Variants in ZNF407 observed in about 807,000 individuals in gnomAD.
ZNF407 encodes zinc finger protein 407.
A neutral mutation model predicts 131.2 loss-of-function variants in ZNF407; 17 were observed. The observed-to-expected ratio is 0.13, with a 90% CI of 0.09 to 0.19. ZNF407 has a LOEUF of 0.19. Ranked by LOEUF, ZNF407 falls within the 10% of genes least tolerant of loss-of-function variation. The pLI, the probability that ZNF407 is intolerant of heterozygous loss-of-function variation, is 1.00. For synonymous variants in ZNF407, 1,156 were observed against 1,062.0 expected, an observed-to-expected ratio of 1.09 and a Z score of -1.72; for missense variants, 2,681 against 2,830.6, an observed-to-expected ratio of 0.95 and a Z score of 1.20.
chr18:74,963,428 C>G (rs924059872), intron 8 of ZNF407, among the ~76,000 whole-genome samples: 7 of 152,166 alleles, frequency 4.6e-5, no homozygotes, highest in Non-Finnish European at 1.0e-4. Context: ...ATTTTCAGAG[C>G]ATCATGTTAG....
chr18:74,663,581 C>T (rs1324822169), intron 3 of ZNF407, among the ~76,000 whole-genome samples: 1 of 152,142 alleles, frequency 6.6e-6, no homozygotes, highest in Non-Finnish European at 1.5e-5. Flanking sequence ...TGGGAAATTT[C>T]ACGATAACAA....
chr18:74,858,197 C>G (rs1255409473), intron 4 of ZNF407, among the ~76,000 whole-genome samples: 1 of 149,690 alleles, frequency 6.7e-6, no homozygotes, highest in Non-Finnish European at 1.5e-5. Context: ...TTTTTTCCTG[C>G]CTTCCTGCCT....
chr18:74,889,192 A>T (rs1971351225), intron 6 of ZNF407, among the ~76,000 whole-genome samples: 1 of 152,176 alleles, frequency 6.6e-6, no homozygotes, highest in African/African-American at 2.4e-5. Context: ...GTGTAAGTGC[A>T]TGCAGGATAT....
At chr18:74,627,820 T>TGCCCC in intron 1 of ZNF407, among the ~76,000 whole-genome samples, 1 of 147,100 alleles carries the variant, frequency 6.8e-6, no homozygotes, top group Non-Finnish European at 1.5e-5. Flanking sequence ...CTTTCTGCCC[T>TGCCCC]GCCCTGCCCT....
chr18:74,614,349 A>G (rs1377379883), intron 1 of ZNF407, among the ~76,000 whole-genome samples: 1 of 152,224 alleles, frequency 6.6e-6, no homozygotes, highest in Non-Finnish European at 1.5e-5. Flanking sequence ...GGTCAGAGCT[A>G]TGTTTGCTAA....
intron 8 of ZNF407, among the ~76,000 whole-genome samples, chr18:75,033,933 G>A (rs1973274823): frequency 6.6e-6 from 1 of 152,104 alleles, no homozygotes; most frequent in Non-Finnish European, 1.5e-5. Context: ...AATATTTATA[G>A]TGAAAATGTA....
At chr18:74,821,312 C>T (rs1336163855) in intron 4 of ZNF407, among the ~76,000 whole-genome samples, 1 of 151,962 alleles carries the variant, frequency 6.6e-6, no homozygotes, top group East Asian at 1.9e-4. Flanking sequence ...GATACATGTG[C>T]AGAACATTGC....
At chr18:74,767,244 T>A (rs1969255281) in intron 3 of ZNF407, among the ~76,000 whole-genome samples, 1 of 152,152 alleles carries the variant, frequency 6.6e-6, no homozygotes, top group Non-Finnish European at 1.5e-5. Context: ...GATTCCTGAG[T>A]CTTTCTTATT....
intron 3 of ZNF407, among the ~76,000 whole-genome samples, chr18:74,768,001 A>G (rs890260562): frequency 6.6e-6 from 1 of 151,792 alleles, no homozygotes; most frequent in Admixed American, 6.6e-5. Flanking sequence ...ATAATTTAAT[A>G]TATTTTCTCT....
intron 2 of ZNF407, among the ~76,000 whole-genome samples, chr18:74,638,399 G>T (rs1984558194): frequency 6.6e-6 from 1 of 152,212 alleles, no homozygotes; most frequent in African/African-American, 2.4e-5. Context: ...TGAAGTGTTT[G>T]AATGTTTAGG....
intron 4 of ZNF407, among the ~76,000 whole-genome samples, chr18:74,811,982 GTAAC>G (rs1300168874): frequency 6.7e-6 from 1 of 150,216 alleles, no homozygotes; most frequent in Non-Finnish European, 1.5e-5. Flanking sequence ...GTATACATAT[GTAAC>G]TAACCTGCAC....
chr18:74,904,385 CT>C (rs1255466774), intron 7 of ZNF407, among the ~76,000 whole-genome samples: 1 of 152,004 alleles, frequency 6.6e-6, no homozygotes. Context: ...TATTTTTTCT[CT>C]TTGGGGCTAA....
chr18:74,921,183 G>A (rs1217027095), intron 8 of ZNF407: 1 of 276,062 alleles, frequency 3.6e-6, no homozygotes, highest in African/African-American at 2.3e-5. Flanking sequence ...CCCAGAAATT[G>A]GGAGGGGGCT....
intron 8 of ZNF407, among the ~76,000 whole-genome samples, chr18:75,037,311 C>A (rs1284452362): frequency 1.3e-5 from 2 of 152,148 alleles, no homozygotes; most frequent in Non-Finnish European, 2.9e-5. Context: ...AGGGGAAATT[C>A]CAGGACAGTG....
chr18:74,692,328 C>T (rs1469458466), intron 3 of ZNF407, among the ~76,000 whole-genome samples: 1 of 151,982 alleles, frequency 6.6e-6, no homozygotes, highest in Non-Finnish European at 1.5e-5. Context: ...ATCCTTTCAT[C>T]AGTGCAGGAG....
chr18:75,034,310 T>TC (rs1973280261), intron 8 of ZNF407, among the ~76,000 whole-genome samples: 1 of 148,450 alleles, frequency 6.7e-6, no homozygotes, highest in South Asian at 2.2e-4. Context: ...GTTTTTTTTT[T>TC]TTTTTTTTTT....
chr18:74,942,164 G>A (rs1446699719), intron 8 of ZNF407, among the ~76,000 whole-genome samples: 2 of 152,222 alleles, frequency 1.3e-5, no homozygotes, highest in East Asian at 1.9e-4. Flanking sequence ...AAAGGAGCTT[G>A]TGATTCTTAT....
At chr18:75,012,069 A>C (rs951108764) in intron 8 of ZNF407, among the ~76,000 whole-genome samples, 5 of 152,156 alleles carry the variant, frequency 3.3e-5, no homozygotes, top group African/African-American at 1.2e-4. Context: ...ATATTTAAAT[A>C]TTAAAGTAAA....
chr18:74,597,950 C>T lies in ZNF407; in HGVS notation c.-54+13C>T, dbSNP rs1183895091. ...CGTCGCCAAACAGGTAAGTTATTCT[C>T]TGGCCGGGGCGGGGGGTTTGGAGGC... On this transcript the variant is annotated intron_variant, in intron 1 of 8. Coordinates refer to ENST00000299687, the MANE Select transcript of ZNF407 (RefSeq NM_017757.3). 6.6e-6 allele frequency: 1 copy of T among 152,428 alleles called. No homozygotes were observed. The highest frequency in any genetic ancestry group is 1.9e-4 in the East Asian group (1 of 5,146). The allele number at this position is 152,428 out of a possible 1,614,324, so 9.4% of individuals were successfully genotyped here.
Sources: allele counts gnomAD v4.1 joint callset (sites outside exome capture counted in the v4.1 genomes callset), GRCh38; gene constraint gnomAD v4.1.1; transcripts MANE v1.5; gene names NCBI Gene and HGNC (gene_info 2026-07-23, HGNC 2026-07-21).